The following CNBD1 variants were observed in gnomAD, a reference collection of about 807,000 sequenced individuals.
CNBD1 encodes cyclic nucleotide-binding domain-containing protein 1.
Under a neutral mutation model 54.4 loss-of-function variants are expected in CNBD1, and 71 were observed. That is an observed-to-expected ratio of 1.30 (90% CI 1.08 to 1.59). The LOEUF (loss-of-function observed/expected upper bound fraction) is 1.59. CNBD1 is among the 40% of genes most tolerant of loss of function. The pLI is 0.00. For missense variants in CNBD1, 659 were observed against 518.0 expected (o/e 1.27, Z -2.64); for synonymous variants, 182 against 170.7 (o/e 1.07, Z -0.51).
chr8:87,053,515 G>A (rs1410229042), intron 4 of CNBD1, among the ~76,000 whole-genome samples: 4 of 152,192 alleles, frequency 2.6e-5, no homozygotes, highest in Non-Finnish European at 4.4e-5. Context: ...GACCCAGCAT[G>A]GAGAAAAAGA....
intron 2 of CNBD1, among the ~76,000 whole-genome samples, chr8:87,425,747 C>G (rs1172746791): frequency 2.6e-5 from 4 of 152,026 alleles, no homozygotes; most frequent in Non-Finnish European, 1.5e-5. Flanking sequence ...ACATTTAAGT[C>G]TGCAGAGGTT....
rs550214202 is a variant in CNBD1 at position 87,019,771 on chromosome 8, G to A, written c.431+80017G>A. ...CAGGCACCTGTAATCCCAGCTACTC[G>A]GGAAGCTGAGGCAGGAGAATCGCTT... On this transcript the variant is annotated intron_variant, in intron 4 of 10. Transcript: ENST00000518476. 3.3e-5 allele frequency among the ~76,000 whole-genome samples: 5 copies of A among 152,114 alleles called. No individual in the cohort carries two copies. The East Asian group carries it at 9.7e-4, about 29-fold the overall frequency.
intron 2 of CNBD1, among the ~76,000 whole-genome samples, chr8:87,425,985 G>A (rs1209489924): frequency 6.6e-6 from 1 of 152,252 alleles, no homozygotes; most frequent in Non-Finnish European, 1.5e-5. Flanking sequence ...AGTGGGGCAG[G>A]ACCCTCTGAG....
intron 5 of CNBD1, among the ~76,000 whole-genome samples, chr8:87,209,475 G>A (rs1814047798): frequency 6.6e-6 from 1 of 151,982 alleles, no homozygotes; most frequent in Non-Finnish European, 1.5e-5. Context: ...GGAAGTGAAA[G>A]ACCTGTAAAC....
chr8:87,235,890 A>T (rs1342104112), intron 5 of CNBD1, among the ~76,000 whole-genome samples: 1 of 152,140 alleles, frequency 6.6e-6, no homozygotes, highest in Non-Finnish European at 1.5e-5. Context: ...GCCTAGAAGG[A>T]GGTCTAGTTT....
At chr8:87,291,838 G>A (rs1808792296) in intron 8 of CNBD1, among the ~76,000 whole-genome samples, 1 of 152,054 alleles carries the variant, frequency 6.6e-6, no homozygotes, top group South Asian at 2.1e-4. Context: ...TAGCTTAAGG[G>A]TCAATTTGTC....
At chr8:87,403,375 T>C (rs901435896) in intron 2 of CNBD1, among the ~76,000 whole-genome samples, 2 of 151,976 alleles carry the variant, frequency 1.3e-5, no homozygotes, top group African/African-American at 4.8e-5. Context: ...AGACCGAAAA[T>C]GGAATATGGC....
chr8:87,118,422 G>A (rs1811822109), intron 4 of CNBD1, among the ~76,000 whole-genome samples: 1 of 151,972 alleles, frequency 6.6e-6, no homozygotes, highest in African/African-American at 2.4e-5. Context: ...GGAGGGTCAG[G>A]GTGAATTTCA....
chr8:87,039,032 C>T (rs1336191729), intron 4 of CNBD1, among the ~76,000 whole-genome samples: 3 of 152,142 alleles, frequency 2.0e-5, no homozygotes, highest in Non-Finnish European at 2.9e-5. Context: ...CTGAAGCATT[C>T]AATTATTATT....
At chr8:87,184,279 G>T (rs1464297938) in intron 4 of CNBD1, among the ~76,000 whole-genome samples, 1 of 152,176 alleles carries the variant, frequency 6.6e-6, no homozygotes, top group African/African-American at 2.4e-5. Context: ...GCTGAGGCTG[G>T]GTGGCAAATG....
Position 87,394,226 on chromosome 8 carries a change from TAAG to T in CNBD1, c.214-34315_214-34313del, listed in dbSNP as rs1160705817. On this transcript the variant is annotated intron_variant, in intron 2 of 7. Transcript: ENST00000521593. ...TTACAACCTGCTTAGTGAAATAAAA[TAAG>T]AAGACTCCTAACAATGCAAAGCGTT... Among the ~76,000 whole-genome samples the T allele has an allele frequency of 2.6e-5, 4 of 151,824 alleles. No individual in the cohort carries two copies. In the South Asian group the frequency reaches 8.3e-4, roughly 31 times the overall value.
chr8:87,016,837 G>C (rs1809366594), intron 4 of CNBD1, among the ~76,000 whole-genome samples: 1 of 152,146 alleles, frequency 6.6e-6, no homozygotes, highest in South Asian at 2.1e-4. Flanking sequence ...GAAGGGGATT[G>C]CCCAACGCTC....
chr8:87,280,016 A>G (rs1808564346), intron 6 of CNBD1, among the ~76,000 whole-genome samples: 1 of 151,452 alleles, frequency 6.6e-6, no homozygotes, highest in South Asian at 2.1e-4. Flanking sequence ...TTGATTCAGC[A>G]TATAGGTTTG....
intron 2 of CNBD1, among the ~76,000 whole-genome samples, chr8:87,399,914 T>C (rs575809848): frequency 7.2e-5 from 11 of 152,060 alleles, no homozygotes; most frequent in African/African-American, 2.4e-4. Flanking sequence ...ACATTTTTTT[T>C]TCCTAAGGAG....
intron 4 of CNBD1, among the ~76,000 whole-genome samples, chr8:86,967,997 T>C (rs555070508): frequency 6.6e-6 from 1 of 151,712 alleles, no homozygotes; most frequent in Non-Finnish European, 1.5e-5. Context: ...CAGTTTTTGG[T>C]GAGCTTGTGG....
Position 86,991,374 on chromosome 8 carries a change from C to G in CNBD1, c.431+51620C>G, listed in dbSNP as rs935337285. 1.9e-4 allele frequency among the ~76,000 whole-genome samples: 29 copies of G among 151,860 alleles called. 1 individual carries two copies. Among genetic ancestry groups the G allele is most frequent in the Admixed American group, 1.7e-3 (26 of 15,244 alleles). ...TTGTACTTATTCAGATATTCTCTCT[C>G]TGACACACACTCTCTCTGTCTCTCT... is the stretch of plus-strand genomic sequence containing the variant. On this transcript the variant is annotated intron_variant, in intron 4 of 10. Transcript: ENST00000518476.
intron 3 of CNBD1, among the ~76,000 whole-genome samples, chr8:86,925,179 A>G (rs1305959055): frequency 6.6e-6 from 1 of 152,190 alleles, no homozygotes; most frequent in African/African-American, 2.4e-5. Context: ...GGACAAAGTC[A>G]GCACTCTTGG....
intron 2 of CNBD1, among the ~76,000 whole-genome samples, chr8:87,420,994 A>G (rs1195290943): frequency 5.3e-5 from 8 of 152,056 alleles, no homozygotes; most frequent in Admixed American, 5.2e-4. Context: ...AGGTTGGGAA[A>G]GATAAAATCA....
chr8:87,237,618 A>T (rs1807609808), intron 6 of CNBD1, among the ~76,000 whole-genome samples: 1 of 152,174 alleles, frequency 6.6e-6, no homozygotes, highest in Non-Finnish European at 1.5e-5. Context: ...GCTGGTCAAA[A>T]ATTAAAAGTT....
Sources: allele counts gnomAD v4.1 joint callset (sites outside exome capture counted in the v4.1 genomes callset), GRCh38; gene constraint gnomAD v4.1.1; transcripts MANE v1.5; gene names NCBI Gene and HGNC (gene_info 2026-07-23, HGNC 2026-07-21).